SNRPE: variants seen among roughly 807,000 people sequenced by gnomAD.
SNRPE encodes small nuclear ribonucleoprotein polypeptide E, also known as small nuclear ribonucleoprotein E.
For synonymous variants in SNRPE, 35 were observed against 36.7 expected, an observed-to-expected ratio of 0.95 and a Z score of 0.17; for missense variants, 53 against 111.6, an observed-to-expected ratio of 0.48 and a Z score of 2.36.
chr1:203,865,895 CAT>C (rs1690077632), intron 4 of SNRPE, among the ~76,000 whole-genome samples: 1 of 152,184 alleles, frequency 6.6e-6, no homozygotes, highest in Non-Finnish European at 1.5e-5. Context: ...TAGGGCAAGG[CAT>C]ATAGGAAGGG....
chr1:203,864,010 A>G (rs557718493), intron 3 of SNRPE, among the ~76,000 whole-genome samples: 5 of 152,194 alleles, frequency 3.3e-5, no homozygotes, highest in African/African-American at 1.2e-4. Flanking sequence ...GCTGGAGTGC[A>G]GTGGCACAAT....
At chr1:203,868,683 T>A (rs1434966124) in intron 4 of SNRPE, among the ~76,000 whole-genome samples, 6 of 152,170 alleles carry the variant, frequency 3.9e-5, no homozygotes, top group South Asian at 2.1e-4. Flanking sequence ...TTATTTATTT[T>A]TTTGGAGACG....
chr1:203,863,725 T>C lies in SNRPE; in HGVS notation c.144T>C (p.Ile48=). Residue 48 remains isoleucine, a splice_region_variant and synonymous_variant, in exon 3 of 5, where the codon ATT becomes ATC. Transcript: ENST00000414487. ...QVNMRIEGCI[I]GFDEYMNLVL... is the part of the protein sequence containing the mutation. Reference sequence around the variant, plus strand: ...ATATGCGGATAGAAGGCTGTATCATTGTGAGTATCCAGGCGATTTCATCTC... The same window carrying C: ...ATATGCGGATAGAAGGCTGTATCATCGTGAGTATCCAGGCGATTTCATCTC... 2 of 1,588,844 alleles carry C rather than the reference T, an allele frequency of 1.3e-6. No individual in the cohort carries two copies. Among genetic ancestry groups the C allele is most frequent in the Non-Finnish European group, 1.7e-6 (2 of 1,157,090 alleles).
chr1:203,862,040 C>G (rs1018441035), intron 1 of SNRPE, 156 bp from the exon 2 acceptor site: 1 of 660,732 alleles, frequency 1.5e-6, no homozygotes, highest in Admixed American at 2.6e-5. Context: ...CTTTAGAAGA[C>G]CCGTAACGAA....
At chr1:203,862,151 A>C in intron 1 of SNRPE, 45 bp from the exon 2 acceptor site, 1 of 1,502,478 alleles carries the variant, frequency 6.7e-7, no homozygotes, top group Non-Finnish European at 9.3e-7. Context: ...CAGGAAGCAG[A>C]GTCTATGCTG....
chr1:203,863,445 G>C (rs1260677945), intron 2 of SNRPE, among the ~76,000 whole-genome samples: 1 of 152,178 alleles, frequency 6.6e-6, no homozygotes, highest in Non-Finnish European at 1.5e-5. Context: ...AGCGTCCCGA[G>C]TAGCTGGGAC....
At chr1:203,868,740 G>C (rs1219935607) in intron 4 of SNRPE, among the ~76,000 whole-genome samples, 1 of 152,100 alleles carries the variant, frequency 6.6e-6, no homozygotes, top group East Asian at 1.9e-4. Context: ...CACAATCTCA[G>C]CTCACTGCAA....
chr1:203,863,767 A>G, intron 3 of SNRPE, 42 bp downstream of exon 3: 1 of 1,296,456 alleles, frequency 7.7e-7, no homozygotes, highest in East Asian at 2.3e-5. Flanking sequence ...GTTCGGTCGT[A>G]GAAAAAGACT....
At chr1:203,869,289 C>CTTTTTTTTTTTTTTTTTTT (rs564988259) in intron 4 of SNRPE, among the ~76,000 whole-genome samples, 7 of 66,812 alleles carry the variant, frequency 1.0e-4, no homozygotes, top group Admixed American at 2.3e-4. Flanking sequence ...AGGATGGAGT[C>CTTTTTTTTTTTTTTTTTTT]TTTTTTTTTT....
intron 3 of SNRPE, 75 bp from the exon 4 acceptor site, chr1:203,864,966 T>A: frequency 7.1e-7 from 1 of 1,405,374 alleles, no homozygotes; most frequent in Non-Finnish European, 9.5e-7. Context: ...GGAGTTTTTA[T>A]CTGCATAGGT....
At chr1:203,863,873 T>C in intron 3 of SNRPE, 148 bp downstream of exon 3, 3 of 613,044 alleles carry the variant, frequency 4.9e-6, no homozygotes, top group Non-Finnish European at 8.9e-6. Context: ...TTTTTCATTG[T>C]TGATAGATAA....
At chr1:203,862,063 C>T (rs1572401816) in intron 1 of SNRPE, 133 bp from the exon 2 acceptor site, 1 of 724,112 alleles carries the variant, frequency 1.4e-6, no homozygotes, top group East Asian at 2.5e-5. Context: ...CCCAGCTGGG[C>T]ACTTGTTGTT....
intron 1 of SNRPE, 63 bp downstream of exon 1, chr1:203,861,776 G>A (rs773887296): frequency 4.1e-6 from 5 of 1,211,776 alleles, no homozygotes; most frequent in Non-Finnish European, 6.2e-6. Context: ...CGAAGGCGCA[G>A]GCTGAGGGCA....
intron 3 of SNRPE, among the ~76,000 whole-genome samples, chr1:203,863,980 G>A (rs1436458256): frequency 1.3e-5 from 2 of 152,004 alleles, no homozygotes; most frequent in Non-Finnish European, 2.9e-5. Context: ...TTTGAGAAAG[G>A]GCTTTGTTCT....
Position 203,870,124 on chromosome 1 carries a change from A to G in SNRPE, c.*192A>G. ...TACTATTCAGCAGTAGAAACTTTTT[A>G]CACAGTAACACCATTCGTTGCTGGT... On this transcript the variant is annotated 3_prime_UTR_variant, in exon 5 of 5. Coordinates refer to ENST00000414487, the MANE Select transcript of SNRPE (RefSeq NM_003094.4). 1 of 477,076 alleles carries G rather than the reference A, an allele frequency of 2.1e-6. No homozygotes were observed. Among genetic ancestry groups the G allele is most frequent in the South Asian group, 3.3e-5 (1 of 30,652 alleles). The allele number at this position is 477,076 out of a possible 1,614,324, so 29.6% of individuals were successfully genotyped here.
At chr1:203,866,784 C>T (rs1690096011) in intron 4 of SNRPE, among the ~76,000 whole-genome samples, 1 of 151,856 alleles carries the variant, frequency 6.6e-6, no homozygotes, top group Non-Finnish European at 1.5e-5. Context: ...AATGATTCTG[C>T]AAATCTAATG....
At chr1:203,866,153 G>A (rs1690083921) in intron 4 of SNRPE, among the ~76,000 whole-genome samples, 1 of 152,190 alleles carries the variant, frequency 6.6e-6, no homozygotes, top group South Asian at 2.1e-4. Context: ...ATGCTGAAAC[G>A]TTGTAGGGGC....
At position 203,861,599 on chromosome 1, in the gene SNRPE, CTTTA is replaced by C; in HGVS notation, c.-58_-55del. 3.0e-6 allele frequency: 4 copies of C among 1,342,340 alleles called. No homozygotes were observed. In the South Asian group the frequency reaches 3.5e-5, roughly 12 times the overall value. The allele number at this position is 1,342,340 out of a possible 1,614,324, so 83.2% of individuals were successfully genotyped here. On this transcript the variant is annotated 5_prime_UTR_variant, in exon 1 of 5. Transcript: ENST00000414487. ...GACCTTCACACTTCCGCTTCCGGTT[CTTTA>C]TTCCGGAAGTTGCTCTCAGAGGCAG... is the stretch of plus-strand genomic sequence containing the variant.
rs765756671 is a variant in SNRPE, at chr1:203,862,231, G to C, written c.81+9G>C. The C allele has an allele frequency of 2.5e-6, 4 of 1,600,378 alleles. No homozygotes were observed. Among genetic ancestry groups the C allele is most frequent in the Non-Finnish European group, 3.4e-6 (4 of 1,167,418 alleles). On this transcript the variant is annotated intron_variant, in intron 2 of 4. Coordinates refer to ENST00000414487, the MANE Select transcript of SNRPE (RefSeq NM_003094.4). Reference sequence around the variant, plus strand: ...TCAGATACTTACAAAATGTACGTAAGTTGCTTGTTTCGTAACTACTTTTTA... The same window carrying C: ...TCAGATACTTACAAAATGTACGTAACTTGCTTGTTTCGTAACTACTTTTTA...
Sources: gnomAD v4.1 joint callset for allele counts (sites outside exome capture counted in the v4.1 genomes callset) on GRCh38, gnomAD v4.1.1 for gene constraint, MANE v1.5 for transcripts, NCBI Gene and HGNC (gene_info 2026-07-23, HGNC 2026-07-21) for gene names.